UNC13C: variants seen among roughly 807,000 people sequenced by gnomAD.
UNC13C encodes the protein unc-13 homolog C.
Under a neutral mutation model 245.4 loss-of-function variants are expected in UNC13C, and 174 were observed. The ratio of observed to expected loss-of-function variants is 0.71; its 90% CI spans 0.63 to 0.80. The LOEUF is 0.80. Among genes scored for constraint, UNC13C ranks in the 30% least tolerant of loss-of-function variants. The probability of loss-of-function intolerance (pLI) is 0.00; values close to 1 mark genes in which losing one functional copy is unlikely to be tolerated. For synonymous variants in UNC13C, 992 were observed against 895.1 expected (o/e 1.11, Z -1.93); for missense variants, 2,829 against 2,602.9 (o/e 1.09, Z -1.89).
At chr15:54,478,508 G>T (rs1892905979) in intron 19 of UNC13C, among the ~76,000 whole-genome samples, 1 of 150,748 alleles carries the variant, frequency 6.6e-6, no homozygotes, top group Non-Finnish European at 1.5e-5. Flanking sequence ...CTGGTATGTT[G>T]TGTCTTTGTT....
chr15:54,160,524 C>A (rs969859743), intron 4 of UNC13C, among the ~76,000 whole-genome samples: 1 of 151,650 alleles, frequency 6.6e-6, no homozygotes, highest in African/African-American at 2.4e-5. Flanking sequence ...TACAAAGATC[C>A]AGAGTCACTT....
chr15:54,369,180 G>A (rs962459836), intron 17 of UNC13C, among the ~76,000 whole-genome samples: 1 of 146,142 alleles, frequency 6.8e-6, no homozygotes, highest in Non-Finnish European at 1.5e-5. Context: ...ATCTGGGATC[G>A]ATGATTAACC....
At chr15:54,358,296 A>G (rs1270423840) in intron 17 of UNC13C, among the ~76,000 whole-genome samples, 2 of 152,028 alleles carry the variant, frequency 1.3e-5, no homozygotes, top group African/African-American at 4.8e-5. Context: ...TGCTTTGGAT[A>G]TTTGGGTCTT....
chr15:53,946,453 T>G, the UNC13C span, among the ~76,000 whole-genome samples: 362 of 61,996 alleles, frequency 5.8e-3, 2 homozygotes, highest in Admixed American at 0.012. Flanking sequence ...TTTTTTTTGT[T>G]TTTTTTTTTT....
At position 54,567,900 on chromosome 15, in the gene UNC13C, C is replaced by A. The variant is rs1212319512; in HGVS notation, c.6059C>A (p.Thr2020Asn). 6.3e-7 allele frequency: 1 copy of A among 1,589,076 alleles called. No homozygotes were observed. The highest frequency in any genetic ancestry group is 1.3e-5 in the African/African-American group (1 of 74,536). Residue 2020 changes from threonine to asparagine, a missense_variant, in exon 30 of 33, where the codon ACT becomes AAT. Transcript: ENST00000260323. ...LRYALSLYTQ[T>N]TDALIKKFID... ...TATGCTCTCAGTCTTTATACCCAAA[C>A]TACTGATGCCTTGATAAAGAAATTC...
At chr15:54,164,573 T>C (rs974711320) in intron 4 of UNC13C, among the ~76,000 whole-genome samples, 27 of 152,188 alleles carry the variant, frequency 1.8e-4, no homozygotes, top group African/African-American at 6.0e-4. Flanking sequence ...TACATCTAGG[T>C]GAGAACAGGT....
the UNC13C span, among the ~76,000 whole-genome samples, chr15:53,876,319 C>A: frequency 6.6e-6 from 1 of 152,148 alleles, no homozygotes; most frequent in Non-Finnish European, 1.5e-5. Flanking sequence ...GAGGCACCTG[C>A]TCAGCTGAGC....
At chr15:54,290,609 G>A (rs1363927136) in intron 10 of UNC13C, among the ~76,000 whole-genome samples, 2 of 151,990 alleles carry the variant, frequency 1.3e-5, no homozygotes, top group Non-Finnish European at 1.5e-5. Flanking sequence ...TATGTATTAT[G>A]TAGAAAGACA....
intron 30 of UNC13C, among the ~76,000 whole-genome samples, chr15:54,584,146 T>G (rs529279013): frequency 6.6e-6 from 1 of 152,160 alleles, no homozygotes; most frequent in Non-Finnish European, 1.5e-5. Flanking sequence ...CTCCTGGAGA[T>G]TGGCTGGTTT....
Position 54,085,454 on chromosome 15 carries a change from T to C in UNC13C, c.2984-57564T>C, listed in dbSNP as rs115310068. On this transcript the variant is annotated intron_variant, in intron 2 of 32. Coordinates refer to ENST00000260323, the MANE Select transcript of UNC13C (RefSeq NM_001080534.3). ...GCTCCAGGCCAGACTTCTAAGAAGC[T>C]ATAGCTTTCAGTCATCTCAGTCATT... is the stretch of plus-strand genomic sequence containing the variant. Among the ~76,000 whole-genome samples the C allele has an allele frequency of 1.8e-3, 276 of 152,254 alleles. 1 individual carries two copies. Among genetic ancestry groups the C allele is most frequent in the African/African-American group, 6.4e-3 (265 of 41,562 alleles).
chr15:54,193,073 A>C (rs142501401), intron 4 of UNC13C, among the ~76,000 whole-genome samples: 1 of 152,154 alleles, frequency 6.6e-6, no homozygotes, highest in Non-Finnish European at 1.5e-5. Context: ...CTAGCATCTT[A>C]GATTCATTTT....
intron 19 of UNC13C, among the ~76,000 whole-genome samples, chr15:54,469,454 C>G (rs1309021659): frequency 6.6e-6 from 1 of 151,506 alleles, no homozygotes; most frequent in Non-Finnish European, 1.5e-5. Flanking sequence ...ACTTTCAGTA[C>G]AGTTACCCAT....
rs201320776 is a variant in UNC13C at position 54,393,156 on chromosome 15, A to G, written c.4822A>G (p.Thr1608Ala). 1.5e-4 allele frequency: 240 copies of G among 1,604,686 alleles called. No individual in the cohort carries two copies. Among genetic ancestry groups the G allele is most frequent in the Non-Finnish European group, 1.9e-4 (222 of 1,176,720 alleles). The part of the protein sequence containing the change: ...LMVTIIDEDK[T>A]AYTPVLNQFP... ...GGTTACTATTATTGATGAGGATAAA[A>G]CTGCCTACACACCTGTCCTGAATCA... is the stretch of plus-strand genomic sequence containing the variant. The change falls in exon 18 of 33, where the codon ACT becomes GCT. Residue 1608 changes from threonine (T) to alanine (A), a missense_variant. Transcript: ENST00000260323.
intron 17 of UNC13C, among the ~76,000 whole-genome samples, chr15:54,374,891 C>G (rs775126240): frequency 1.3e-5 from 2 of 152,240 alleles, no homozygotes; most frequent in East Asian, 3.8e-4. Flanking sequence ...AGATTCTGAG[C>G]AGATCACTGC....
At chr15:53,900,619 G>A in the UNC13C span, among the ~76,000 whole-genome samples, 1 of 152,076 alleles carries the variant, frequency 6.6e-6, no homozygotes, top group African/African-American at 2.4e-5. Flanking sequence ...GATGTTCAGG[G>A]GATATTGCAG....
chr15:54,167,545 C>A (rs2033218132), intron 4 of UNC13C, among the ~76,000 whole-genome samples: 1 of 131,940 alleles, frequency 7.6e-6, no homozygotes, highest in Non-Finnish European at 1.6e-5. Context: ...AGAAGATACT[C>A]TTGAACAGAT....
intron 32 of UNC13C, among the ~76,000 whole-genome samples, chr15:54,626,373 T>C (rs1486584414): frequency 6.6e-6 from 1 of 152,106 alleles, no homozygotes; most frequent in African/African-American, 2.4e-5. Flanking sequence ...TGTATTCCCC[T>C]GAGAAAAGAC....
intron 29 of UNC13C, among the ~76,000 whole-genome samples, chr15:54,561,413 C>G (rs1897295012): frequency 6.6e-6 from 1 of 151,912 alleles, no homozygotes; most frequent in African/African-American, 2.4e-5. Flanking sequence ...GACTCGAGAT[C>G]AGGAAAAGCT....
chr15:54,507,322 G>A, intron 23 of UNC13C, 128 bp downstream of exon 23: 1 of 652,276 alleles, frequency 1.5e-6, no homozygotes. Context: ...AGGATCTTAA[G>A]AAGCTGGAAA....
Sources: gnomAD v4.1 joint callset for allele counts (sites outside exome capture counted in the v4.1 genomes callset) on GRCh38, gnomAD v4.1.1 for gene constraint, MANE v1.5 for transcripts, NCBI Gene and HGNC (gene_info 2026-07-23, HGNC 2026-07-21) for gene names.